CFAP299: variants seen among roughly 807,000 people sequenced by gnomAD.
CFAP299 encodes cilia- and flagella-associated protein 299.
A neutral mutation model predicts 27.0 loss-of-function variants in CFAP299; 21 were observed. The ratio of observed to expected loss-of-function variants is 0.78; its 90% CI spans 0.55 to 1.12. The LOEUF is 1.12. CFAP299 is among the 50% of genes most tolerant of loss of function. The pLI is 0.00. For synonymous variants in CFAP299, 104 were observed against 98.1 expected (o/e 1.06, Z -0.36); for missense variants, 310 against 276.6 (o/e 1.12, Z -0.86).
chr4:80,947,258 A>G (rs1313250506), intron 5 of CFAP299, among the ~76,000 whole-genome samples: 2 of 152,220 alleles, frequency 1.3e-5, no homozygotes, highest in Non-Finnish European at 2.9e-5. Context: ...CATTTGGTTA[A>G]TGAGTGGTAA....
At chr4:80,636,788 T>G (rs1739481303) in intron 3 of CFAP299, among the ~76,000 whole-genome samples, 1 of 152,202 alleles carries the variant, frequency 6.6e-6, no homozygotes, top group Non-Finnish European at 1.5e-5. Context: ...TGGCTGCTTT[T>G]GCACCAAATG....
intron 3 of CFAP299, among the ~76,000 whole-genome samples, chr4:80,847,592 T>C (rs1310985610): frequency 6.6e-6 from 1 of 152,218 alleles, no homozygotes; most frequent in Admixed American, 6.5e-5. Context: ...GAAATCTGAC[T>C]GATGCACTAA....
At chr4:80,387,746 G>A in intron 2 of CFAP299, 1 of 1,587,188 alleles carries the variant, frequency 6.3e-7, no homozygotes, top group South Asian at 1.1e-5. Flanking sequence ...CAGATGTGCT[G>A]CTGCAGGTCG....
At chr4:80,946,534 T>C (rs759986937) in intron 5 of CFAP299, among the ~76,000 whole-genome samples, 1 of 152,198 alleles carries the variant, frequency 6.6e-6, no homozygotes. Context: ...CTGGGAAATA[T>C]AATCTTTATT....
rs1296338535 is a variant in CFAP299 at position 80,352,324 on chromosome 4, T to C, written c.112-10430T>C. On this transcript the variant is annotated intron_variant, in intron 1 of 5. Transcript: ENST00000358105. ...GACTCACACCTGTAATCCCAGCACT[T>C]TGGGAGGCTGATGTGGGTGAATTAC... Among the ~76,000 whole-genome samples the C allele has an allele frequency of 9.9e-5, 15 of 152,090 alleles. 1 individual carries two copies.
At chr4:80,815,610 C>A (rs1032817877) in intron 3 of CFAP299, among the ~76,000 whole-genome samples, 24 of 151,862 alleles carry the variant, frequency 1.6e-4, no homozygotes, top group Admixed American at 1.1e-3. Context: ...AAACATATTA[C>A]CAATCACAAA....
intron 2 of CFAP299, among the ~76,000 whole-genome samples, chr4:80,443,966 T>G (rs1728490245): frequency 6.6e-6 from 1 of 151,966 alleles, no homozygotes. Context: ...GGAATCCAAC[T>G]TACAAGAGAA....
intron 2 of CFAP299, among the ~76,000 whole-genome samples, chr4:80,579,090 C>G (rs1229373188): frequency 6.6e-6 from 1 of 152,230 alleles, no homozygotes; most frequent in Admixed American, 6.5e-5. Flanking sequence ...TTTTCAGTCT[C>G]ATATTCAAGA....
intron 3 of CFAP299, among the ~76,000 whole-genome samples, chr4:80,682,599 A>G (rs371292473): frequency 4.0e-5 from 6 of 151,606 alleles, no homozygotes; most frequent in African/African-American, 1.5e-4. Flanking sequence ...TAACAACCTT[A>G]CTCTTACTTC....
chr4:80,913,259 G>A (rs115990229), intron 4 of CFAP299, among the ~76,000 whole-genome samples: 4,512 of 152,184 alleles, frequency 0.03, 178 homozygotes, highest in African/African-American at 0.091. Flanking sequence ...AGCTGACAAA[G>A]AAGAAAATAA....
chr4:80,890,908 G>C (rs1734238726), intron 4 of CFAP299, among the ~76,000 whole-genome samples: 3 of 145,552 alleles, frequency 2.1e-5, no homozygotes, highest in African/African-American at 7.7e-5. Context: ...TGATGGGGTT[G>C]TTTGTTTTTT....
intron 3 of CFAP299, among the ~76,000 whole-genome samples, chr4:80,770,559 T>C (rs911283725): frequency 6.6e-6 from 1 of 152,254 alleles, no homozygotes; most frequent in Non-Finnish European, 1.5e-5. Context: ...ATTTCTGCTC[T>C]TCCAAACATC....
intron 4 of CFAP299, among the ~76,000 whole-genome samples, chr4:80,925,629 A>C (rs183325622): frequency 6.6e-6 from 1 of 152,158 alleles, no homozygotes; most frequent in East Asian, 1.9e-4. Flanking sequence ...TATTTGGTAC[A>C]AGTGTATAAG....
At chr4:80,638,192 C>T (rs1451572898) in intron 3 of CFAP299, among the ~76,000 whole-genome samples, 1 of 152,186 alleles carries the variant, frequency 6.6e-6, no homozygotes, top group Non-Finnish European at 1.5e-5. Context: ...GTAACTTCAA[C>T]TTCCTGCTGC....
intron 3 of CFAP299, among the ~76,000 whole-genome samples, chr4:80,688,044 C>A (rs1432107741): frequency 1.3e-5 from 2 of 152,242 alleles, no homozygotes; most frequent in African/African-American, 4.8e-5. Context: ...GTCCTACACC[C>A]ACGGAGTCTC....
At chr4:80,893,011 G>A (rs1422149801) in intron 4 of CFAP299, among the ~76,000 whole-genome samples, 1 of 151,076 alleles carries the variant, frequency 6.6e-6, no homozygotes, top group Admixed American at 6.6e-5. Context: ...TAATGTTAGA[G>A]CAAATAAATG....
intron 4 of CFAP299, among the ~76,000 whole-genome samples, chr4:80,924,546 A>G (rs879450253): frequency 0.027 from 3,949 of 144,690 alleles, 123 homozygotes; most frequent in East Asian, 0.15. Context: ...GTGTATATAT[A>G]TATATATATA....
intron 2 of CFAP299, among the ~76,000 whole-genome samples, chr4:80,519,104 T>A (rs1008806995): frequency 1.3e-5 from 2 of 152,152 alleles, no homozygotes; most frequent in African/African-American, 4.8e-5. Context: ...CAATTCTACC[T>A]CTACTGCCTA....
intron 2 of CFAP299, among the ~76,000 whole-genome samples, chr4:80,402,539 T>C (rs935027503): frequency 1.3e-5 from 2 of 152,182 alleles, no homozygotes; most frequent in South Asian, 4.1e-4. Flanking sequence ...GAGGCCTTCC[T>C]AGCCATGTGG....
Sources: allele counts gnomAD v4.1 joint callset (sites outside exome capture counted in the v4.1 genomes callset), GRCh38; gene constraint gnomAD v4.1.1; transcripts MANE v1.5; gene names NCBI Gene and HGNC (gene_info 2026-07-23, HGNC 2026-07-21).